CPEB1: variants seen among roughly 807,000 people sequenced by gnomAD.
CPEB1 encodes the protein cytoplasmic polyadenylation element binding protein 1, also known as cytoplasmic polyadenylation element-binding protein 1.
In CPEB1, 7 loss-of-function variants were observed where a neutral mutation model predicts 65.8. The ratio of observed to expected loss-of-function variants is 0.11; its 90% CI spans 0.06 to 0.20. The LOEUF (loss-of-function observed/expected upper bound fraction) is 0.20. Among genes scored for constraint, CPEB1 ranks in the 10% least tolerant of loss-of-function variants. CPEB1 has a pLI of 1.00. For synonymous variants in CPEB1, 262 were observed against 260.0 expected, an observed-to-expected ratio of 1.01 and a Z score of -0.08; for missense variants, 551 against 712.2, an observed-to-expected ratio of 0.77 and a Z score of 2.58.
intron 9 of CPEB1, among the ~76,000 whole-genome samples, chr15:82,550,487 TCAGA>T (rs2036045845): frequency 6.6e-6 from 1 of 152,146 alleles, no homozygotes; most frequent in Non-Finnish European, 1.5e-5. Flanking sequence ...TCTGCAGTAC[TCAGA>T]CAGCATAAGC....
chr15:82,555,750 G>A, intron 6 of CPEB1, 120 bp downstream of exon 6: 1 of 1,022,192 alleles, frequency 9.8e-7, no homozygotes, highest in Non-Finnish European at 1.4e-6. Context: ...TGCAGATCTG[G>A]AGACTTCACC....
intron 1 of CPEB1, among the ~76,000 whole-genome samples, chr15:82,645,134 G>A (rs907204010): frequency 4.6e-5 from 7 of 152,186 alleles, no homozygotes; most frequent in African/African-American, 1.7e-4. Context: ...CAAGACAAAC[G>A]GTTCGGAGGG....
At chr15:82,630,079 C>T (rs1180581113) in intron 1 of CPEB1, 1 of 985,398 alleles carries the variant, frequency 1.0e-6, no homozygotes, top group Admixed American at 6.1e-5. Flanking sequence ...TTCAGGAAGG[C>T]AACTTCATGA....
intron 3 of CPEB1, among the ~76,000 whole-genome samples, chr15:82,617,732 T>TG (rs1315558790): frequency 4.7e-5 from 6 of 126,786 alleles, no homozygotes; most frequent in African/African-American, 1.8e-4. Context: ...AAGTTTTTTT[T>TG]TTTTTTTTTT....
chr15:82,552,207 A>C (rs2036378869), intron 9 of CPEB1, among the ~76,000 whole-genome samples: 1 of 152,226 alleles, frequency 6.6e-6, no homozygotes. Flanking sequence ...TACAAGAAAG[A>C]AGAGCAGAAT....
At chr15:82,600,453 GA>G (rs201717885) in intron 3 of CPEB1, among the ~76,000 whole-genome samples, 11 of 145,702 alleles carry the variant, frequency 7.5e-5, no homozygotes, top group Middle Eastern at 3.7e-3. Context: ...GAAATTCAGA[GA>G]AAAAAAAAAC....
At chr15:82,591,754 T>C (rs1055395757) in intron 3 of CPEB1, among the ~76,000 whole-genome samples, 7 of 152,158 alleles carry the variant, frequency 4.6e-5, no homozygotes, top group Admixed American at 2.0e-4. Context: ...ATTCTGGATA[T>C]TGCACATAAA....
At chr15:82,574,722 CAAAAAAAAAAA>C (rs534968367) in intron 3 of CPEB1, among the ~76,000 whole-genome samples, 24 of 53,506 alleles carry the variant, frequency 4.5e-4, no homozygotes, top group Admixed American at 1.3e-3. Context: ...GACTCGGTCT[CAAAAAAAAAAA>C]AAAAAAAAAA....
chr15:82,550,699 A>T (rs1422553878), intron 9 of CPEB1, among the ~76,000 whole-genome samples: 3 of 152,246 alleles, frequency 2.0e-5, no homozygotes, highest in Non-Finnish European at 4.4e-5. Context: ...CTCAGGTAGG[A>T]CATGAGGCTA....
chr15:82,551,150 G>A (rs72751639), intron 9 of CPEB1, among the ~76,000 whole-genome samples: 5,578 of 152,250 alleles, frequency 0.037, 145 homozygotes, highest in Non-Finnish European at 0.062. Context: ...GCAGCCAGAG[G>A]ATGAGCCTGC....
Position 82,592,131 on chromosome 15 carries a change from C to A in CPEB1, c.272-20599G>T, listed in dbSNP as rs937083288. On this transcript the variant is annotated intron_variant, in intron 3 of 12. Transcript: ENST00000684509. Reference sequence around the variant, plus strand: ...TGCTTGGATTACAAGCAGGAGCCACCACGCCCAGCCAGAACTTCAGTTATT... The same window carrying A: ...TGCTTGGATTACAAGCAGGAGCCACAACGCCCAGCCAGAACTTCAGTTATT... 1.8e-4 allele frequency among the ~76,000 whole-genome samples: 28 copies of A among 152,106 alleles called. No individual in the cohort carries two copies. The East Asian group carries it at 5.2e-3, about 28-fold the overall frequency.
intron 3 of CPEB1, among the ~76,000 whole-genome samples, chr15:82,605,290 G>A (rs1007375853): frequency 6.6e-6 from 1 of 152,070 alleles, no homozygotes; most frequent in Non-Finnish European, 1.5e-5. Flanking sequence ...TCCACATGAA[G>A]TAATAAAGAA....
At chr15:82,647,816 G>C, upstream of CPEB1, 1 of 1,283,068 alleles carries the variant, frequency 7.8e-7, no homozygotes, top group South Asian at 2.5e-5. Flanking sequence ...ACTGCGGCCG[G>C]GACGCGGCCC....
chr15:82,629,110 T>C (rs2046019942), intron 1 of CPEB1: 1 of 208,744 alleles, frequency 4.8e-6, no homozygotes, highest in Admixed American at 6.5e-5. Context: ...GTAGATTTTA[T>C]GTCAATACAG....
chr15:82,630,460 G>A (rs2046143008), intron 1 of CPEB1, among the ~76,000 whole-genome samples: 1 of 152,030 alleles, frequency 6.6e-6, no homozygotes, highest in Non-Finnish European at 1.5e-5. Flanking sequence ...CAAAACATTA[G>A]ACAGGTATGG....
intron 3 of CPEB1, among the ~76,000 whole-genome samples, chr15:82,603,278 T>C (rs2264592): frequency 7.6e-4 from 116 of 151,860 alleles, no homozygotes; most frequent in Middle Eastern, 6.9e-3. Flanking sequence ...ACACACAAGG[T>C]CCCACTTATG....
rs1434250485 is a variant in CPEB1 at position 82,549,410 on chromosome 15, C to G, written c.1480+50G>C. 1.9e-6 allele frequency: 3 copies of G among 1,595,860 alleles called. No homozygotes were observed. In the African/African-American group the frequency reaches 4.0e-5, roughly 21 times the overall value. On this transcript the variant is annotated intron_variant, in intron 10 of 12. Transcript: ENST00000684509. ...CATGGGGAAGTATCACAATCTTGGT[C>G]TACTCCCAGGGGCCAACCAAGCTTT...
At chr15:82,556,170 T>TA in intron 5 of CPEB1, 48 bp from the exon 6 acceptor site, 1 of 1,528,432 alleles carries the variant, frequency 6.5e-7, no homozygotes, top group Non-Finnish European at 8.8e-7. Context: ...AGTTTTGTTA[T>TA]AAAGTAATAA....
intron 1 of CPEB1, among the ~76,000 whole-genome samples, chr15:82,631,750 T>TA (rs2046264858): frequency 6.6e-6 from 1 of 152,172 alleles, no homozygotes; most frequent in Non-Finnish European, 1.5e-5. Context: ...CTCTTCCTCT[T>TA]AATCATTTGA....
Sources: allele counts gnomAD v4.1 joint callset (sites outside exome capture counted in the v4.1 genomes callset), GRCh38; gene constraint gnomAD v4.1.1; transcripts MANE v1.5; gene names NCBI Gene and HGNC (gene_info 2026-07-23, HGNC 2026-07-21).